Variants in ASPM observed in about 807,000 individuals in gnomAD.
ASPM encodes abnormal spindle-like microcephaly-associated protein.
In ASPM, 256 loss-of-function variants were observed where a neutral mutation model predicts 366.4. The observed-to-expected ratio is 0.70, with a 90% confidence interval of 0.63 to 0.77. The LOEUF is 0.77. Among genes scored for constraint, ASPM ranks in the 30% least tolerant of loss-of-function variants. The pLI is 0.00. For missense variants in ASPM, 4,146 were observed against 4,090.4 expected (o/e 1.01, Z -0.37); for synonymous variants, 1,414 against 1,342.9 (o/e 1.05, Z -1.16).
Position 197,142,462 on chromosome 1 carries a change from C to T in ASPM, c.1790G>A (p.Arg597Gln), listed in dbSNP as rs377444313. The T allele has an allele frequency of 4.3e-6, 7 of 1,613,806 alleles. No individual in the cohort carries two copies. The African/African-American group carries it at 6.7e-5, about 15-fold the overall frequency. ...RVAITEHTEV[R>Q]EIKRIHFSPS... is the part of the protein sequence containing the mutation. ...AGAAAAATGGATTCTTTTGATTTCT[C>T]GCACTTCTGTATGTTCTGTAATTGC... Residue 597 changes from arginine (R) to glutamine (Q), a missense_variant, in exon 3 of 28, where the codon CGA becomes CAA. Arg to Gln is a conservative substitution (Grantham distance 43). This residue lies in a region of ASPM where 3,624 missense variants were observed against 3,591.7 expected (regional missense o/e 1.01). Transcript: ENST00000367409.
At chr1:197,145,245 C>G (rs1048136900) in intron 1 of ASPM, among the ~76,000 whole-genome samples, 5 of 152,140 alleles carry the variant, frequency 3.3e-5, no homozygotes, top group African/African-American at 1.2e-4. Flanking sequence ...AAGGTCACAG[C>G]AGTCAAAATA....
chr1:197,138,957 C>T (rs996313972), intron 4 of ASPM: 9 of 738,308 alleles, frequency 1.2e-5, no homozygotes, highest in Non-Finnish European at 1.7e-5. Flanking sequence ...CTCCTTGACT[C>T]GCTGCATAAA....
intron 18 of ASPM, among the ~76,000 whole-genome samples, chr1:197,098,472 GA>G (rs1344789052): frequency 1.3e-5 from 2 of 151,638 alleles, no homozygotes; most frequent in South Asian, 2.1e-4. Context: ...TTATGTAAGA[GA>G]AAAAAATTTT....
rs150809058 is a variant in ASPM, at chr1:197,090,262, G to A, written c.9763C>T (p.Leu3255Phe). The part of the protein sequence containing the change: ...EENKLYKRTA[L>F]ALHYLLTYKH... ...TATGTCAAAAGGTAATGAAGTGCAAGTGCAGTTCTTTTGTAGAGTTTGTTT... is the reference window on the plus strand; with the variant it reads ...TATGTCAAAAGGTAATGAAGTGCAAATGCAGTTCTTTTGTAGAGTTTGTTT... Residue 3255 changes from leucine (L) to phenylalanine (F), a missense_variant, in exon 24 of 28, where the codon CTT becomes TTT. By Grantham distance (22) the Leu-to-Phe change is conservative. Around this residue, in one of 3 missense-constraint regions of ASPM, gnomAD observed 3,624 missense variants for 3,591.7 expected, o/e 1.01. Transcript: ENST00000367409. 1.2e-5 allele frequency: 19 copies of A among 1,613,544 alleles called. No individual in the cohort carries two copies. In the Admixed American group the frequency reaches 2.0e-4, roughly 17 times the overall value.
At chr1:197,129,154 T>C in intron 9 of ASPM, 33 bp downstream of exon 9, 1 of 1,598,404 alleles carries the variant, frequency 6.3e-7, no homozygotes, top group Admixed American at 1.7e-5. Flanking sequence ...AAATGGGAAA[T>C]ATAAAATATA....
chr1:197,142,785 T>C lies in ASPM; in HGVS notation c.1467A>G (p.Arg489=), dbSNP rs146561469. The change falls in exon 3 of 28, where the codon AGA becomes AGG. Residue 489 remains arginine (R), a synonymous_variant. Transcript: ENST00000367409. ...TAACAGTGGCAGAAAGTATTGGACG[T>C]CTCTTAGGTTGTTTATTGTGGCTAT... ...SSHSHNKQPK[R]RPILSATVTK... The C allele has an allele frequency of 2.7e-4, 439 of 1,613,540 alleles. No individual in the cohort carries two copies. The highest frequency in any genetic ancestry group is 3.1e-4 in the Non-Finnish European group (369 of 1,179,574).
At chr1:197,099,390 T>C (rs1341404040) in intron 18 of ASPM, among the ~76,000 whole-genome samples, 1 of 151,688 alleles carries the variant, frequency 6.6e-6, no homozygotes, top group Non-Finnish European at 1.5e-5. Context: ...CTTTTTATTG[T>C]TTCTAGTTTT....
intron 27 of ASPM, among the ~76,000 whole-genome samples, chr1:197,086,235 AGAAG>A (rs1214634903): frequency 2.0e-5 from 3 of 151,952 alleles, no homozygotes; most frequent in Non-Finnish European, 4.4e-5. Context: ...CAAGAAGGAA[AGAAG>A]GAAGGAAGGG....
chr1:197,130,761 T>A (rs995034735), intron 7 of ASPM, among the ~76,000 whole-genome samples: 2 of 152,156 alleles, frequency 1.3e-5, no homozygotes. Flanking sequence ...GGTGTAGTAA[T>A]AAGGTACCTG....
rs587783225 is a variant in ASPM at position 197,133,348 on chromosome 1, A to G, written c.2419+2T>C. The G allele has an allele frequency of 3.1e-6, 5 of 1,612,156 alleles. No individual in the cohort carries two copies. The African/African-American group carries it at 6.7e-5, about 22-fold the overall frequency. ...ATGTCAAGATTTCTGCAGTCTTCTTACCCACATCTTTCCATAGGTGTCTAT... is the reference window on the plus strand; with the variant it reads ...ATGTCAAGATTTCTGCAGTCTTCTTGCCCACATCTTTCCATAGGTGTCTAT... On this transcript the variant is annotated splice_donor_variant, in intron 6 of 27. Coordinates refer to ENST00000367409, the MANE Select transcript of ASPM (RefSeq NM_018136.5). LOFTEE classifies it high-confidence loss of function.
intron 19 of ASPM, among the ~76,000 whole-genome samples, 170 bp downstream of exon 19, chr1:197,095,828 G>A (rs1336182886): frequency 6.6e-6 from 1 of 151,668 alleles, no homozygotes; most frequent in Non-Finnish European, 1.5e-5. Context: ...AAGACAGTAC[G>A]AGAGATGTAT....
intron 4 of ASPM, among the ~76,000 whole-genome samples, chr1:197,137,304 C>T (rs562123419): frequency 3.7e-4 from 56 of 152,142 alleles, no homozygotes; most frequent in African/African-American, 6.0e-4. Flanking sequence ...GAATAATTGC[C>T]GCTATGTGTC....
At chr1:197,093,679 A>T (rs1656863481) in intron 20 of ASPM, among the ~76,000 whole-genome samples, 1 of 151,854 alleles carries the variant, frequency 6.6e-6, no homozygotes, top group African/African-American at 2.4e-5. Flanking sequence ...AGATTCCTCA[A>T]TTACGTAACA....
In ASPM at chr1:197,122,315, G is replaced by C. The variant is rs747539000; in HGVS notation, c.3599-14C>G. ...CTGAAGTATTTTCTATTATGCAGGA[G>C]GAAAGGAGAAATTAGCCGTAGCTTC... On this transcript the variant is annotated splice_polypyrimidine_tract_variant and intron_variant, in intron 14 of 27. Transcript: ENST00000367409. 1 of 1,613,616 alleles carries C rather than the reference G, an allele frequency of 6.2e-7. No individual in the cohort carries two copies. Among genetic ancestry groups the C allele is most frequent in the South Asian group, 1.1e-5 (1 of 91,064 alleles).
At chr1:197,086,355 C>A (rs1333604846) in intron 27 of ASPM, among the ~76,000 whole-genome samples, 1 of 151,994 alleles carries the variant, frequency 6.6e-6, no homozygotes, top group Non-Finnish European at 1.5e-5. Context: ...TAAATTAAAT[C>A]TTTTTGCCAA....
At position 197,129,219 on chromosome 1, in the gene ASPM, G is replaced by C. The variant is rs1030902481; in HGVS notation, c.2728C>G (p.Pro910Ala). The part of the protein sequence containing the change: ...AKISRLIDHD[P>A]CLFCKDAEFK... ...TCGGCATCTTTACAGAAGAGACAAG[G>C]ATCATGATCAATGAGTCTGGAAATT... is the stretch of plus-strand genomic sequence containing the variant. Residue 910 changes from proline to alanine, a missense_variant, in exon 9 of 28, where the codon CCT becomes GCT. By Grantham distance (27) the Pro-to-Ala change is conservative. Around this residue, in one of 3 missense-constraint regions of ASPM, gnomAD observed 3,624 missense variants for 3,591.7 expected, o/e 1.01. Transcript: ENST00000367409. 2 of 1,612,484 alleles carry C rather than the reference G, an allele frequency of 1.2e-6. No homozygotes were observed. Among genetic ancestry groups the C allele is most frequent in the African/African-American group, 1.3e-5 (1 of 74,996 alleles).
rs373350576 is a variant in ASPM, at chr1:197,101,325, C to T, written c.7926G>A (p.Lys2642=). ...CTGTTGCTCTAAGGTGGAGATAATG[C>T]TTCCTTATTTTAAAGGCTTTACAAT... ...QKHCKAFKIR[K]HYLHLRATVV... is the part of the protein sequence containing the mutation. The change falls in exon 18 of 28, where the codon AAG becomes AAA. Residue 2642 remains lysine (K), a synonymous_variant. Coordinates refer to ENST00000367409, the MANE Select transcript of ASPM (RefSeq NM_018136.5). 14 of 1,611,428 alleles carry T rather than the reference C, an allele frequency of 8.7e-6. No individual in the cohort carries two copies. In the Admixed American group the frequency reaches 2.2e-4, roughly 25 times the overall value.
At chr1:197,096,284 G>A (rs1656973793) in intron 18 of ASPM, 120 bp from the exon 19 acceptor site, 2 of 852,460 alleles carry the variant, frequency 2.3e-6, no homozygotes, top group South Asian at 1.5e-5. Flanking sequence ...AAATTGCATA[G>A]TCATATCATG....
chr1:197,090,707 A>T, intron 23 of ASPM, 143 bp downstream of exon 23: 1 of 743,716 alleles, frequency 1.3e-6, no homozygotes. Context: ...CAATGAAATT[A>T]TGGTAGTATA....
Sources: gnomAD v4.1 joint callset for allele counts (sites outside exome capture counted in the v4.1 genomes callset) on GRCh38, gnomAD v4.1.1 for gene constraint, gnomAD v4.1.1 regional missense constraint, MANE v1.5 for transcripts, NCBI Gene and HGNC (gene_info 2026-07-23, HGNC 2026-07-21) for gene names.